Variants in STRIP2 observed in about 807,000 individuals in gnomAD.
The protein encoded by STRIP2 is striatin-interacting protein 2.
Under a neutral mutation model 107.1 loss-of-function variants are expected in STRIP2, and 84 were observed. The ratio of observed to expected loss-of-function variants is 0.78; its 90% confidence interval spans 0.66 to 0.94. STRIP2 has a LOEUF of 0.94. Ranked by LOEUF, STRIP2 falls within the 40% of genes least tolerant of loss-of-function variation. The pLI, the probability that STRIP2 is intolerant of heterozygous loss-of-function variation, is 0.00. For synonymous variants in STRIP2, 394 were observed against 400.4 expected, an observed-to-expected ratio of 0.98 and a Z score of 0.19; for missense variants, 888 against 1,034.2, an observed-to-expected ratio of 0.86 and a Z score of 1.94.
rs1354746227 is a variant in STRIP2 at position 129,459,263 on chromosome 7, C to T, written c.1341-254C>T. On this transcript the variant is annotated intron_variant, in intron 11 of 20. Coordinates refer to ENST00000249344, the MANE Select transcript of STRIP2 (RefSeq NM_020704.3). ...ATATACCCTTTTAAGTAGGAACCTA[C>T]CACTCCTACACCAAGTGAGTACCCA... 8.5e-5 allele frequency among the ~76,000 whole-genome samples: 13 copies of T among 152,136 alleles called. No individual in the cohort carries two copies. The East Asian group carries it at 2.3e-3, about 27-fold the overall frequency.
At chr7:129,443,393 C>T (rs974929865) in intron 2 of STRIP2, among the ~76,000 whole-genome samples, 1 of 152,170 alleles carries the variant, frequency 6.6e-6, no homozygotes, top group South Asian at 2.1e-4. Context: ...TATTGAGAGG[C>T]TGCTGTTAGC....
chr7:129,464,174 C>T, intron 15 of STRIP2, 33 bp downstream of exon 15: 1 of 1,503,592 alleles, frequency 6.7e-7, no homozygotes, highest in Non-Finnish European at 9.2e-7. Flanking sequence ...CTGCTGGATA[C>T]TAGCTGTCTT....
At chr7:129,474,570 C>T (rs1050251969) in intron 18 of STRIP2, among the ~76,000 whole-genome samples, 4 of 151,926 alleles carry the variant, frequency 2.6e-5, no homozygotes, top group Admixed American at 1.3e-4. Context: ...AGTGCAGTGG[C>T]GCAATCTCTG....
At chr7:129,442,097 C>T (rs1797915235) in intron 2 of STRIP2, among the ~76,000 whole-genome samples, 1 of 152,122 alleles carries the variant, frequency 6.6e-6, no homozygotes, top group South Asian at 2.1e-4. Context: ...TCGTGGCATG[C>T]ACCTGTAGTC....
At position 129,458,082 on chromosome 7, in the gene STRIP2, G is replaced by A. The variant is rs1798414728; in HGVS notation, c.1039-133G>A. On this transcript the variant is annotated intron_variant, in intron 9 of 20. Coordinates refer to ENST00000249344, the MANE Select transcript of STRIP2 (RefSeq NM_020704.3). The surrounding 1 kb of genome is among the most constrained non-coding windows in gnomAD (Gnocchi z 4.6). Reference sequence around the variant, plus strand: ...GACAGTAGGTTAAGGTGGGGAATTGGATGTTTTCGCAAGGGCTGTGTTCAG... The same window carrying A: ...GACAGTAGGTTAAGGTGGGGAATTGAATGTTTTCGCAAGGGCTGTGTTCAG... 4.0e-6 allele frequency: 3 copies of A among 752,554 alleles called. No individual in the cohort carries two copies. Among genetic ancestry groups the A allele is most frequent in the Non-Finnish European group, 7.1e-6 (3 of 422,486 alleles). 46.6% of individuals were successfully genotyped at this position (752,554 alleles called of 1,614,324 possible).
chr7:129,483,183 C>T lies in STRIP2; in HGVS notation c.2254+137C>T, dbSNP rs2151021146. ...AAAATATGTGATTATAGGTCAGGCG[C>T]TGATACACCAAACTTTAAGGTTATG... On this transcript the variant is annotated intron_variant, in intron 20 of 20. Coordinates refer to ENST00000249344, the MANE Select transcript of STRIP2 (RefSeq NM_020704.3). This position sits in a 1 kb window ranked among gnomAD's most constrained non-coding sequence, Gnocchi z 5.1. The T allele has an allele frequency of 2.1e-6, 3 of 1,447,780 alleles. No individual in the cohort carries two copies. The African/African-American group carries it at 4.3e-5, about 21-fold the overall frequency. The allele number at this position is 1,447,780 out of a possible 1,614,324, so 89.7% of individuals were successfully genotyped here.
Position 129,456,471 on chromosome 7 carries a change from T to C in STRIP2, c.867T>C (p.Thr289=). The change falls in exon 9 of 21, where the codon ACT becomes ACC. Residue 289 remains threonine (T), a synonymous_variant. Transcript: ENST00000249344. ...TCGGTGGATTTGAGCATCTGCAGAC[T>C]CTCAAAGTACAGAAGCGGGCAGAAT... The part of the protein sequence containing the change: ...FTLGGFEHLQ[T]LKVQKRAELG... 1 of 1,613,996 alleles carries C rather than the reference T, an allele frequency of 6.2e-7. No homozygotes were observed.
Position 129,483,504 on chromosome 7 carries a change from A to G in STRIP2, c.2254+458A>G. 1.5e-5 allele frequency: 3 copies of G among 199,916 alleles called. No homozygotes were observed. Among genetic ancestry groups the G allele is most frequent in the Non-Finnish European group, 2.7e-5 (3 of 110,806 alleles). The allele number at this position is 199,916 out of a possible 1,614,324, so 12.4% of individuals were successfully genotyped here. On this transcript the variant is annotated intron_variant, in intron 20 of 20. Transcript: ENST00000249344. The surrounding 1 kb of genome is among the most constrained non-coding windows in gnomAD (Gnocchi z 5.1). ...TTCCTCCAGATCTTTTTCTATGCATATACATGCATATTTTATCAAAATGAA... is the reference window on the plus strand; with the variant it reads ...TTCCTCCAGATCTTTTTCTATGCATGTACATGCATATTTTATCAAAATGAA...
intron 18 of STRIP2, among the ~76,000 whole-genome samples, chr7:129,472,303 G>T (rs1259413257): frequency 2.6e-5 from 4 of 152,014 alleles, no homozygotes; most frequent in South Asian, 4.2e-4. Context: ...CAACCCCATT[G>T]GTTCATATAT....
intron 2 of STRIP2, among the ~76,000 whole-genome samples, chr7:129,441,419 T>G (rs2150987143): frequency 6.6e-6 from 1 of 152,328 alleles, no homozygotes; most frequent in East Asian, 1.9e-4. Context: ...ACAAAGATGT[T>G]TATTGCAGCC....
At position 129,486,414 on chromosome 7, in the gene STRIP2, G is replaced by A. The variant is rs1799244853; in HGVS notation, c.*585G>A. 6.5e-6 allele frequency: 1 copy of A among 154,762 alleles called. No individual in the cohort carries two copies. The highest frequency in any genetic ancestry group is 2.0e-4 in the South Asian group (1 of 5,110). The allele number at this position is 154,762 out of a possible 1,614,324, so 9.6% of individuals were successfully genotyped here. ...TCAATACTGCATGTTATCGAAAAGT[G>A]TGTTGTGTAAAGTGTTTTTTTCCTC... On this transcript the variant is annotated 3_prime_UTR_variant, in exon 21 of 21. Coordinates refer to ENST00000249344, the MANE Select transcript of STRIP2 (RefSeq NM_020704.3).
intron 16 of STRIP2, among the ~76,000 whole-genome samples, chr7:129,466,569 C>G (rs2151009115): frequency 6.6e-6 from 1 of 152,212 alleles, no homozygotes; most frequent in South Asian, 2.1e-4. Flanking sequence ...GTTTGACACT[C>G]CTTAGTGTAT....
chr7:129,440,162 C>G (rs987457681), intron 2 of STRIP2, 71 bp downstream of exon 2: 2 of 1,339,646 alleles, frequency 1.5e-6, no homozygotes, highest in Non-Finnish European at 2.1e-6. Context: ...TGTGATCTCC[C>G]TGGAAGCTTG....
chr7:129,466,809 T>C (rs1233681205), intron 16 of STRIP2, among the ~76,000 whole-genome samples: 4 of 152,198 alleles, frequency 2.6e-5, no homozygotes, highest in African/African-American at 9.6e-5. Flanking sequence ...CTTTCCCCCA[T>C]ACTCCAAGCG....
rs776481246 is a variant in STRIP2, at chr7:129,485,838, T to C, written c.*9T>C. On this transcript the variant is annotated 3_prime_UTR_variant, in exon 21 of 21. Coordinates refer to ENST00000249344, the MANE Select transcript of STRIP2 (RefSeq NM_020704.3). ...TGCTCCAGAATCACTGACTAAGTTCTTGTCAACAAGCATCAATAGATAGAG... is the reference window on the plus strand; with the variant it reads ...TGCTCCAGAATCACTGACTAAGTTCCTGTCAACAAGCATCAATAGATAGAG... 1.2e-6 allele frequency: 2 copies of C among 1,613,438 alleles called. No homozygotes were observed. The highest frequency in any genetic ancestry group is 2.7e-5 in the African/African-American group (2 of 74,918).
At chr7:129,451,461 A>G (rs4731578) in intron 3 of STRIP2, 152 bp from the exon 4 acceptor site, 392,785 of 1,071,434 alleles carry the variant, frequency 0.37, 76,206 homozygotes, top group East Asian at 0.61. Context: ...TCCTTTTCCC[A>G]TACCTTATTC....
At chr7:129,475,563 T>A (rs1203012588) in intron 18 of STRIP2, among the ~76,000 whole-genome samples, 16 of 122,276 alleles carry the variant, frequency 1.3e-4, no homozygotes, top group African/African-American at 3.5e-4. Context: ...CTTTTTTTTT[T>A]TTTTCTTTTT....
At chr7:129,437,890 C>G (rs897828002) in intron 1 of STRIP2, among the ~76,000 whole-genome samples, 4 of 150,630 alleles carry the variant, frequency 2.7e-5, no homozygotes, top group Non-Finnish European at 5.9e-5. Flanking sequence ...ACTGCAAGCT[C>G]TGCCTCCCGG....
chr7:129,458,479 T>C lies in STRIP2; in HGVS notation c.1274+29T>C, dbSNP rs756675390. 4.0e-6 allele frequency: 6 copies of C among 1,500,048 alleles called. No individual in the cohort carries two copies. In the African/African-American group the frequency reaches 8.4e-5, roughly 21 times the overall value. The allele number at this position is 1,500,048 out of a possible 1,614,324, so 92.9% of individuals were successfully genotyped here. ...GGTTTGATAGCATCAGGGACCCCTA[T>C]GCTTCGGGGTTTCAGTCTCCAAAGG... On this transcript the variant is annotated intron_variant, in intron 10 of 20. Coordinates refer to ENST00000249344, the MANE Select transcript of STRIP2 (RefSeq NM_020704.3). This position sits in a 1 kb window ranked among gnomAD's most constrained non-coding sequence, Gnocchi z 4.6.
Sources: gnomAD v4.1 joint callset for allele counts (sites outside exome capture counted in the v4.1 genomes callset) on GRCh38, gnomAD v4.1.1 for gene constraint, Gnocchi (gnomAD v3.1) non-coding constraint, MANE v1.5 for transcripts, NCBI Gene and HGNC (gene_info 2026-07-23, HGNC 2026-07-21) for gene names.